The following ITGA9 variants were observed in gnomAD, a reference collection of about 807,000 sequenced individuals.
The protein encoded by ITGA9 is integrin subunit alpha 9.
In ITGA9, 56 loss-of-function variants were observed where a neutral mutation model predicts 127.8. That is an observed-to-expected ratio of 0.44 (90% CI 0.35 to 0.55). ITGA9 has a LOEUF of 0.55. ITGA9 is among the 20% of genes least tolerant of loss of function. ITGA9 has a pLI of 0.00. For synonymous variants in ITGA9, 508 were observed against 514.5 expected (o/e 0.99, Z 0.17); for missense variants, 1,196 against 1,347.1 (o/e 0.89, Z 1.76).
chr3:37,732,892 C>G, intron 19 of ITGA9, 94 bp downstream of exon 19: 1 of 937,518 alleles, frequency 1.1e-6, no homozygotes, highest in South Asian at 1.4e-5. Context: ...GAGGAGTCCT[C>G]CCACCCCCTG....
intron 19 of ITGA9, 44 bp downstream of exon 19, chr3:37,732,842 G>T: frequency 1.4e-6 from 2 of 1,450,844 alleles, no homozygotes; most frequent in Non-Finnish European, 1.9e-6. Flanking sequence ...CAGGCCCCCA[G>T]CCCTTCCACC....
chr3:37,748,296 A>G, intron 22 of ITGA9: 1 of 530,684 alleles, frequency 1.9e-6, no homozygotes. Flanking sequence ...GCTAAACTGA[A>G]AGAGTCTACG....
At chr3:37,622,568 C>T (rs1327991371) in intron 15 of ITGA9, among the ~76,000 whole-genome samples, 5 of 151,994 alleles carry the variant, frequency 3.3e-5, no homozygotes, top group Non-Finnish European at 4.4e-5. Flanking sequence ...AAAGGCCGGG[C>T]GCAGTGGCTT....
At chr3:37,592,696 C>T (rs1699832588) in intron 15 of ITGA9, among the ~76,000 whole-genome samples, 1 of 152,112 alleles carries the variant, frequency 6.6e-6, no homozygotes, top group Non-Finnish European at 1.5e-5. Context: ...GGGACGAAGC[C>T]AGGAGTCCAA....
chr3:37,757,652 CAAAA>C (rs1172501184), intron 23 of ITGA9, among the ~76,000 whole-genome samples: 9 of 151,092 alleles, frequency 6.0e-5, no homozygotes, highest in African/African-American at 2.2e-4. Flanking sequence ...CTCAAAAAAA[CAAAA>C]ACAAAACAAA....
At chr3:37,505,223 A>G (rs1449809850) in intron 6 of ITGA9, among the ~76,000 whole-genome samples, 1 of 152,206 alleles carries the variant, frequency 6.6e-6, no homozygotes, top group Non-Finnish European at 1.5e-5. Context: ...ATGTTGTTTA[A>G]CAGGTTTTTC....
chr3:37,586,803 AG>A (rs1244974964), intron 15 of ITGA9, among the ~76,000 whole-genome samples: 13 of 152,236 alleles, frequency 8.5e-5, no homozygotes, highest in Non-Finnish European at 1.5e-5. Context: ...TTGCTGGCAA[AG>A]CTGAGTTCGC....
chr3:37,769,338 CAAAAAAAAAA>C (rs35133772), intron 23 of ITGA9, among the ~76,000 whole-genome samples: 1 of 114,354 alleles, frequency 8.7e-6, no homozygotes, highest in Non-Finnish European at 1.8e-5. Context: ...AACTCTGTCT[CAAAAAAAAAA>C]AAAAAAAAGC....
At chr3:37,466,742 T>C (rs917939745) in intron 1 of ITGA9, among the ~76,000 whole-genome samples, 1 of 152,184 alleles carries the variant, frequency 6.6e-6, no homozygotes, top group African/African-American at 2.4e-5. Context: ...AAGTGCCAGG[T>C]GTTCCCCATG....
chr3:37,623,691 C>G lies in ITGA9; in HGVS notation c.1690-5496C>G, dbSNP rs200944784. Among the ~76,000 whole-genome samples the G allele has an allele frequency of 2.8e-3, 422 of 149,436 alleles. 4 individuals are homozygous for G. Among genetic ancestry groups the G allele is most frequent in the African/African-American group, 9.3e-3 (379 of 40,662 alleles). On this transcript the variant is annotated intron_variant, in intron 15 of 27. Transcript: ENST00000264741. ...TGTGTGTATGTGTGTGTGTGTGTGT[C>G]TGTGTGTGTGTGTGTGTGTGTGTGT...
At chr3:37,730,514 T>C (rs1229366721) in intron 18 of ITGA9, among the ~76,000 whole-genome samples, 1 of 152,232 alleles carries the variant, frequency 6.6e-6, no homozygotes, top group East Asian at 1.9e-4. Flanking sequence ...CTCTAGGTTC[T>C]AAGAGCAGCC....
At chr3:37,715,391 A>G (rs1041043504) in intron 18 of ITGA9, among the ~76,000 whole-genome samples, 11 of 152,224 alleles carry the variant, frequency 7.2e-5, no homozygotes, top group African/African-American at 2.2e-4. Context: ...TGAAAAAAAC[A>G]TAATCATTGT....
intron 14 of ITGA9, among the ~76,000 whole-genome samples, chr3:37,534,098 C>T (rs556729369): frequency 2.0e-5 from 3 of 152,154 alleles, no homozygotes; most frequent in Non-Finnish European, 4.4e-5. Flanking sequence ...TGGATTAAAC[C>T]CCAGAACAAG....
intron 3 of ITGA9, among the ~76,000 whole-genome samples, chr3:37,478,989 C>T (rs574414605): frequency 5.3e-5 from 8 of 152,298 alleles, no homozygotes; most frequent in East Asian, 1.9e-4. Flanking sequence ...GGCTATCAGA[C>T]AGCACCATGA....
intron 15 of ITGA9, among the ~76,000 whole-genome samples, chr3:37,620,303 C>T (rs933199998): frequency 6.6e-6 from 1 of 152,196 alleles, no homozygotes; most frequent in Non-Finnish European, 1.5e-5. Context: ...CATGTAGCGG[C>T]TAGGGCACTG....
At chr3:37,625,851 T>C (rs1160462338) in intron 15 of ITGA9, among the ~76,000 whole-genome samples, 1 of 152,238 alleles carries the variant, frequency 6.6e-6, no homozygotes, top group Non-Finnish European at 1.5e-5. Flanking sequence ...TTCTAATTGC[T>C]GCACCCTCCT....
intron 1 of ITGA9, among the ~76,000 whole-genome samples, chr3:37,458,284 G>A (rs1364094673): frequency 1.3e-5 from 2 of 152,176 alleles, no homozygotes; most frequent in Non-Finnish European, 2.9e-5. Flanking sequence ...ATTCACTGGG[G>A]GCTTGTGTCA....
chr3:37,736,762 C>A, intron 19 of ITGA9, 142 bp from the exon 20 acceptor site: 1 of 706,916 alleles, frequency 1.4e-6, no homozygotes, highest in Non-Finnish European at 2.6e-6. Context: ...GTGACTTTGG[C>A]CTGACAGTCA....
At chr3:37,709,416 C>G (rs910191742) in intron 18 of ITGA9, among the ~76,000 whole-genome samples, 1 of 152,182 alleles carries the variant, frequency 6.6e-6, no homozygotes, top group African/African-American at 2.4e-5. Context: ...CAAGGCCAAC[C>G]CTGAACCTTG....
Sources: allele counts gnomAD v4.1 joint callset (sites outside exome capture counted in the v4.1 genomes callset), GRCh38; gene constraint gnomAD v4.1.1; transcripts MANE v1.5; gene names NCBI Gene and HGNC (gene_info 2026-07-23, HGNC 2026-07-21).